Variants in STXBP5L observed in about 807,000 individuals in gnomAD.
STXBP5L encodes the protein syntaxin binding protein 5L.
Under a neutral mutation model 144.5 loss-of-function variants are expected in STXBP5L, and 65 were observed. The observed-to-expected ratio is 0.45, with a 90% CI of 0.37 to 0.55. The LOEUF is 0.55. Among genes scored for constraint, STXBP5L ranks in the 20% least tolerant of loss-of-function variants. The probability of loss-of-function intolerance (pLI) is 0.00; values close to 1 mark genes in which losing one functional copy is unlikely to be tolerated. For synonymous variants in STXBP5L, 505 were observed against 469.6 expected (o/e 1.08, Z -0.97); for missense variants, 1,298 against 1,405.5 (o/e 0.92, Z 1.22).
chr3:121,251,660 G>A (rs2050028735), intron 15 of STXBP5L, among the ~76,000 whole-genome samples: 1 of 152,104 alleles, frequency 6.6e-6, no homozygotes, highest in African/African-American at 2.4e-5. Context: ...ATATCCAGCA[G>A]GTAAGGAGAA....
intron 22 of STXBP5L, among the ~76,000 whole-genome samples, chr3:121,396,756 A>G (rs2046739985): frequency 6.6e-6 from 1 of 152,256 alleles, no homozygotes; most frequent in East Asian, 1.9e-4. Flanking sequence ...ATATTGCATT[A>G]GCAACTAGGT....
At chr3:121,389,294 G>T (rs1484751018) in intron 22 of STXBP5L, among the ~76,000 whole-genome samples, 7 of 151,944 alleles carry the variant, frequency 4.6e-5, no homozygotes, top group Non-Finnish European at 8.8e-5. Flanking sequence ...TATTACTCTT[G>T]CTAGTTGTCT....
chr3:121,267,938 A>G (rs2050623457), intron 18 of STXBP5L, among the ~76,000 whole-genome samples: 2 of 152,196 alleles, frequency 1.3e-5, no homozygotes, highest in Non-Finnish European at 1.5e-5. Context: ...GAGAAATAGG[A>G]ACGCTTTTAC....
chr3:121,039,937 T>A (rs903156585), intron 3 of STXBP5L, among the ~76,000 whole-genome samples: 1 of 150,928 alleles, frequency 6.6e-6, no homozygotes, highest in African/African-American at 2.4e-5. Flanking sequence ...TCTCTAGATA[T>A]TCTATTTGAG....
intron 3 of STXBP5L, among the ~76,000 whole-genome samples, chr3:121,014,427 T>C (rs972292838): frequency 6.6e-6 from 1 of 152,040 alleles, no homozygotes; most frequent in Non-Finnish European, 1.5e-5. Flanking sequence ...TATTGTTTTC[T>C]GTCTGAGGTA....
intron 9 of STXBP5L, among the ~76,000 whole-genome samples, chr3:121,185,927 G>A (rs555367854): frequency 5.9e-5 from 9 of 152,284 alleles, no homozygotes; most frequent in African/African-American, 1.7e-4. Context: ...TCCTACCCAT[G>A]ATCATAGAAT....
intron 5 of STXBP5L, among the ~76,000 whole-genome samples, chr3:121,054,615 G>T (rs977292941): frequency 6.7e-6 from 1 of 149,122 alleles, no homozygotes; most frequent in African/African-American, 2.5e-5. Flanking sequence ...GGGAGGGATA[G>T]CATTAGGAGA....
chr3:121,234,560 A>C (rs2049413208), intron 12 of STXBP5L, among the ~76,000 whole-genome samples: 1 of 152,136 alleles, frequency 6.6e-6, no homozygotes, highest in African/African-American at 2.4e-5. Flanking sequence ...TGTAGGCTCC[A>C]TGAAGGAGGG....
intron 19 of STXBP5L, among the ~76,000 whole-genome samples, chr3:121,288,634 T>A (rs2051311761): frequency 6.6e-6 from 1 of 152,222 alleles, no homozygotes; most frequent in Non-Finnish European, 1.5e-5. Flanking sequence ...GAATCATGTG[T>A]GTCTTCTTTA....
intron 20 of STXBP5L, among the ~76,000 whole-genome samples, chr3:121,319,364 C>A (rs192985831): frequency 6.6e-6 from 1 of 152,058 alleles, no homozygotes; most frequent in Non-Finnish European, 1.5e-5. Flanking sequence ...TATAAAGCAA[C>A]GAATTTGGAC....
intron 22 of STXBP5L, among the ~76,000 whole-genome samples, chr3:121,388,853 T>G (rs2046497618): frequency 6.6e-6 from 1 of 152,196 alleles, no homozygotes; most frequent in Admixed American, 6.5e-5. Flanking sequence ...TAAAATTCTC[T>G]TTTTTGTTGT....
At chr3:121,061,111 T>G (rs1198771146) in intron 5 of STXBP5L, among the ~76,000 whole-genome samples, 1 of 152,220 alleles carries the variant, frequency 6.6e-6, no homozygotes, top group Non-Finnish European at 1.5e-5. Context: ...GGGCATTTAA[T>G]GCTATAAATT....
At chr3:121,361,734 G>A (rs2045717993) in intron 20 of STXBP5L, among the ~76,000 whole-genome samples, 1 of 151,520 alleles carries the variant, frequency 6.6e-6, no homozygotes, top group South Asian at 2.1e-4. Context: ...CCTCAACACA[G>A]CTATTTTGAG....
At chr3:121,315,872 C>T (rs974570496) in intron 19 of STXBP5L, among the ~76,000 whole-genome samples, 1 of 151,646 alleles carries the variant, frequency 6.6e-6, no homozygotes, top group Non-Finnish European at 1.5e-5. Flanking sequence ...CTTGGTGGCA[C>T]ACACCTGTAA....
At chr3:121,211,524 C>T (rs2048564563) in intron 10 of STXBP5L, among the ~76,000 whole-genome samples, 1 of 151,502 alleles carries the variant, frequency 6.6e-6, no homozygotes, top group South Asian at 2.1e-4. Context: ...AAGAAGCATT[C>T]CTATTTTTTC....
At chr3:121,268,765 G>A (rs1417684890) in intron 18 of STXBP5L, among the ~76,000 whole-genome samples, 3 of 151,958 alleles carry the variant, frequency 2.0e-5, no homozygotes, top group African/African-American at 7.3e-5. Context: ...TAATGAGTTA[G>A]CAGCCGGCCA....
At chr3:121,272,137 C>A (rs1487833656) in intron 18 of STXBP5L, among the ~76,000 whole-genome samples, 1 of 152,138 alleles carries the variant, frequency 6.6e-6, no homozygotes, top group Non-Finnish European at 1.5e-5. Flanking sequence ...TCCGTTAGAT[C>A]CATCTGCACT....
At chr3:121,049,320 G>A (rs1186139128) in intron 5 of STXBP5L, among the ~76,000 whole-genome samples, 1 of 152,162 alleles carries the variant, frequency 6.6e-6, no homozygotes, top group Non-Finnish European at 1.5e-5. Context: ...TCCCAGGGAA[G>A]TGGAGAGCTG....
chr3:121,159,715 C>T (rs1281142933), intron 9 of STXBP5L, among the ~76,000 whole-genome samples: 2 of 151,124 alleles, frequency 1.3e-5, no homozygotes, highest in Non-Finnish European at 3.0e-5. Flanking sequence ...CTGCAAGCTC[C>T]GCCTCCCGGG....
Sources: allele counts gnomAD v4.1 joint callset (sites outside exome capture counted in the v4.1 genomes callset), GRCh38; gene constraint gnomAD v4.1.1; transcripts MANE v1.5; gene names NCBI Gene and HGNC (gene_info 2026-07-23, HGNC 2026-07-21).